Variants in MGAM observed in about 807,000 individuals in gnomAD.
MGAM encodes the protein maltase-glucoamylase, also known as alpha-1,4-glucosidase.
MGAM carries 253 observed loss-of-function variants against 358.8 expected under a neutral mutation model. The ratio of observed to expected loss-of-function variants is 0.71; its 90% CI spans 0.64 to 0.78. The LOEUF is 0.78. Ranked by LOEUF, MGAM falls within the 30% of genes least tolerant of loss-of-function variation. The pLI, the probability that MGAM is intolerant of heterozygous loss-of-function variation, is 0.00. For synonymous variants in MGAM, 1,105 were observed against 1,227.1 expected, an observed-to-expected ratio of 0.90 and a Z score of 2.08; for missense variants, 3,080 against 3,432.6, an observed-to-expected ratio of 0.90 and a Z score of 2.57.
chr7:142,085,731 A>G (rs1404771692), intron 54 of MGAM, 102 bp from the exon 55 acceptor site: 6 of 1,381,802 alleles, frequency 4.3e-6, no homozygotes, highest in African/African-American at 1.4e-5. Flanking sequence ...AGCATCAACA[A>G]GAAGCTATCT....
intron 66 of MGAM, among the ~76,000 whole-genome samples, chr7:142,099,157 C>CA (rs762918831): frequency 6.6e-6 from 1 of 152,188 alleles, no homozygotes; most frequent in Non-Finnish European, 1.5e-5. Flanking sequence ...GTTGTCACAA[C>CA]AGAGTGGGGG....
intron 26 of MGAM, among the ~76,000 whole-genome samples, chr7:142,054,377 T>C (rs1811289135): frequency 6.6e-6 from 1 of 152,222 alleles, no homozygotes; most frequent in South Asian, 2.1e-4. Flanking sequence ...ATTATTTTAA[T>C]CAAATAGATT....
chr7:142,064,471 A>G lies in MGAM; in HGVS notation c.4433A>G (p.His1478Arg). ...QILPDGSLVQ[H>R]YNVHNLYGWS... ...CTCCCAGACGGCTCCCTGGTGCAGC[A>G]CTACAACGTGCACAACCTGTATGGG... Residue 1478 changes from histidine to arginine, a missense_variant, in exon 37 of 71, where the codon CAC becomes CGC. Physicochemically the swap from His to Arg is conservative, Grantham distance 29. Coordinates refer to ENST00000475668, the MANE Select transcript of MGAM (RefSeq NM_001365693.1). 3 of 1,590,126 alleles carry G rather than the reference A, an allele frequency of 1.9e-6. No individual in the cohort carries two copies. Among genetic ancestry groups the G allele is most frequent in the Non-Finnish European group, 2.6e-6 (3 of 1,168,202 alleles).
chr7:142,090,489 G>T (rs28712440), intron 57 of MGAM, among the ~76,000 whole-genome samples: 51,549 of 144,720 alleles, frequency 0.36, 15,381 homozygotes, highest in Middle Eastern at 0.6. Context: ...GCCCACTTCT[G>T]TCAAGATTCT....
At chr7:142,062,842 A>C in intron 35 of MGAM, 140 bp downstream of exon 35, 11 of 1,403,162 alleles carry the variant, frequency 7.8e-6, no homozygotes, top group Non-Finnish European at 1.1e-5. Context: ...TCTTCCTCTC[A>C]GGAGAGGAAC....
chr7:142,056,898 T>C lies in MGAM; in HGVS notation c.3649T>C (p.Phe1217Leu). Residue 1217 changes from phenylalanine (F) to leucine (L), a missense_variant, in exon 30 of 71, where the codon TTC (phenylalanine) becomes CTC (leucine). This residue lies in a region of MGAM where 1,816 missense variants were observed against 1,840.5 expected (regional missense o/e 0.99). Coordinates refer to ENST00000475668, the MANE Select transcript of MGAM (RefSeq NM_001365693.1). ...AGGGGGAGTTCTGGACTTTTATGTG[T>C]TCTTGGGGCCGACTCCAGAGCTTGT... The part of the protein sequence containing the change: ...TTGGVLDFYV[F>L]LGPTPELVTQ... 6.2e-7 allele frequency: 1 copy of C among 1,613,874 alleles called. No individual in the cohort carries two copies. The highest frequency in any genetic ancestry group is 8.5e-7 in the Non-Finnish European group (1 of 1,179,826).
chr7:142,073,823 T>C (rs1392675110), intron 44 of MGAM, among the ~76,000 whole-genome samples: 1 of 146,104 alleles, frequency 6.8e-6, no homozygotes, highest in African/African-American at 2.4e-5. Context: ...CAGCTTTTAT[T>C]TGAGCTATTG....
In MGAM at chr7:142,071,659, C is replaced by T. The variant is rs562664221; in HGVS notation, c.5186+541C>T. 2.6e-4 allele frequency among the ~76,000 whole-genome samples: 38 copies of T among 145,816 alleles called. 3 individuals carry two copies. Among genetic ancestry groups the T allele is most frequent in the Non-Finnish European group, 4.7e-4 (30 of 64,370 alleles). ...TTGGCCACACTGCTCACCCATGTTT[C>T]TTTACTCTTGAATCACTTATTCTCA... is the stretch of plus-strand genomic sequence containing the variant. On this transcript the variant is annotated intron_variant, in intron 44 of 70. Coordinates refer to ENST00000475668, the MANE Select transcript of MGAM (RefSeq NM_001365693.1).
intron 21 of MGAM, among the ~76,000 whole-genome samples, chr7:142,041,121 C>T (rs1309501394): frequency 6.6e-6 from 1 of 152,076 alleles, no homozygotes; most frequent in Non-Finnish European, 1.5e-5. Context: ...GACTCTCCTC[C>T]CTCCTAGAAT....
intron 21 of MGAM, among the ~76,000 whole-genome samples, chr7:142,045,123 TATATA>T (rs1755334319): frequency 1.0e-5 from 1 of 97,566 alleles, no homozygotes; most frequent in Admixed American, 1.6e-4. Flanking sequence ...CAATATATGA[TATATA>T]ATATGTATAT....
chr7:142,077,183 G>A (rs1813819119), intron 47 of MGAM, among the ~76,000 whole-genome samples: 1 of 145,896 alleles, frequency 6.9e-6, no homozygotes, highest in Non-Finnish European at 1.6e-5. Flanking sequence ...TGTATGACTA[G>A]CACAAATAAG....
rs1554458931 is a variant in MGAM, at chr7:142,021,748, G to A, written c.710+11G>A. 5 of 1,613,620 alleles carry A rather than the reference G, an allele frequency of 3.1e-6. No individual in the cohort carries two copies. The highest frequency in any genetic ancestry group is 3.4e-6 in the Non-Finnish European group (4 of 1,179,578). On this transcript the variant is annotated intron_variant, in intron 6 of 70. Coordinates refer to ENST00000475668, the MANE Select transcript of MGAM (RefSeq NM_001365693.1). ...CAACAATCGTGTTTTGTAAGTTTTGGAAACCTATCTAAGGATCAGAGTAGG... is the reference window on the plus strand; with the variant it reads ...CAACAATCGTGTTTTGTAAGTTTTGAAAACCTATCTAAGGATCAGAGTAGG...
At chr7:142,057,009 G>A (rs1489714608) in intron 30 of MGAM, 67 bp downstream of exon 30, 4 of 1,444,966 alleles carry the variant, frequency 2.8e-6, no homozygotes, top group African/African-American at 1.4e-5. Context: ...AGTCCACATT[G>A]ATTAGTATAA....
chr7:142,075,337 A>G (rs1813649906), intron 45 of MGAM, among the ~76,000 whole-genome samples: 1 of 146,368 alleles, frequency 6.8e-6, no homozygotes, highest in African/African-American at 2.4e-5. Context: ...TAAAGCTCCT[A>G]GAAGAAAACA....
intron 64 of MGAM, chr7:142,096,106 T>C (rs1815881068): frequency 9.8e-6 from 6 of 614,954 alleles, no homozygotes; most frequent in Admixed American, 2.9e-5. Context: ...GCAAGTATTT[T>C]ACAAGAGAGA....
At chr7:142,035,451 C>T (rs1343712497) in intron 16 of MGAM, among the ~76,000 whole-genome samples, 5 of 151,818 alleles carry the variant, frequency 3.3e-5, no homozygotes, top group Non-Finnish European at 5.9e-5. Context: ...TGGGAGATCC[C>T]GAGAAAGGGA....
intron 1 of MGAM, among the ~76,000 whole-genome samples, chr7:141,998,923 A>AT (rs1200584448): frequency 3.9e-5 from 6 of 152,058 alleles, no homozygotes; most frequent in East Asian, 1.9e-4. Flanking sequence ...TTTCAGTAAG[A>AT]TTATTTTCTG....
intron 1 of MGAM, among the ~76,000 whole-genome samples, chr7:142,003,231 A>G (rs1451323546): frequency 6.6e-6 from 1 of 152,100 alleles, no homozygotes; most frequent in African/African-American, 2.4e-5. Flanking sequence ...TAAAATTCAT[A>G]TGGAACCCTG....
At chr7:142,085,220 A>G (rs1239745377) in intron 54 of MGAM, among the ~76,000 whole-genome samples, 1 of 146,498 alleles carries the variant, frequency 6.8e-6, no homozygotes, top group African/African-American at 2.4e-5. Flanking sequence ...AACTGATCCA[A>G]TGTACCATCG....
Sources: allele counts gnomAD v4.1 joint callset (sites outside exome capture counted in the v4.1 genomes callset), GRCh38; gene constraint gnomAD v4.1.1; regional missense constraint gnomAD v4.1.1; transcripts MANE v1.5; gene names NCBI Gene and HGNC (gene_info 2026-07-23, HGNC 2026-07-21).